The following LCMT1 variants were observed in gnomAD, a reference collection of about 807,000 sequenced individuals.
The protein encoded by LCMT1 is [Phosphatase 2A protein]-leucine-carboxy methyltransferase 1.
In LCMT1, 32 loss-of-function variants were observed where a neutral mutation model predicts 47.7. The ratio of observed to expected loss-of-function variants is 0.67; its 90% confidence interval spans 0.51 to 0.90. The LOEUF (loss-of-function observed/expected upper bound fraction) is 0.90. LCMT1 is among the 40% of genes least tolerant of loss of function. The pLI, the probability that LCMT1 is intolerant of heterozygous loss-of-function variation, is 0.00. For synonymous variants in LCMT1, 152 were observed against 149.7 expected (o/e 1.02, Z -0.11); for missense variants, 375 against 415.2 (o/e 0.90, Z 0.84).
At chr16:25,138,060 T>C (rs1284836018) in intron 3 of LCMT1, among the ~76,000 whole-genome samples, 2 of 152,304 alleles carry the variant, frequency 1.3e-5, no homozygotes, top group African/African-American at 2.4e-5. Context: ...ACCCTAACTT[T>C]CCTTTTCCTC....
At chr16:25,117,891 C>T (rs909940760) in intron 1 of LCMT1, among the ~76,000 whole-genome samples, 1 of 151,982 alleles carries the variant, frequency 6.6e-6, no homozygotes, top group African/African-American at 2.4e-5. Flanking sequence ...TTGGAACTGC[C>T]CCTTTATTTT....
intron 1 of LCMT1, among the ~76,000 whole-genome samples, chr16:25,123,958 A>T (rs569513928): frequency 1.4e-4 from 22 of 152,204 alleles, no homozygotes; most frequent in African/African-American, 5.1e-4. Flanking sequence ...TTGACTTCCA[A>T]AGGTTTTTAG....
At chr16:25,113,216 G>A (rs1254479765) in intron 1 of LCMT1, among the ~76,000 whole-genome samples, 1 of 151,602 alleles carries the variant, frequency 6.6e-6, no homozygotes, top group Non-Finnish European at 1.5e-5. Context: ...TCAGAGGAGT[G>A]TGAACTGTTA....
rs796097272 is a variant in LCMT1, at chr16:25,118,412, T to C, written c.113+6416T>C. Among the ~76,000 whole-genome samples, 17 of 152,266 alleles carry C rather than the reference T, an allele frequency of 1.1e-4. 1 individual carries two copies. The highest frequency in any genetic ancestry group is 4.1e-4 in the African/African-American group (17 of 41,546). ...TTATCTCCTAGGTGAGTGCATTCAC[T>C]CCACATTCTTTGTTGAGCGCCTGCT... On this transcript the variant is annotated intron_variant, in intron 1 of 10. Coordinates refer to ENST00000399069, the MANE Select transcript of LCMT1 (RefSeq NM_016309.3).
At chr16:25,162,600 AAAAG>A (rs1359252818) in intron 6 of LCMT1, among the ~76,000 whole-genome samples, 39 of 147,680 alleles carry the variant, frequency 2.6e-4, no homozygotes, top group African/African-American at 8.6e-4. Flanking sequence ...AAAAAAAAAA[AAAAG>A]AAAAGAAAAG....
At chr16:25,163,954 G>A (rs1178045153) in intron 6 of LCMT1, among the ~76,000 whole-genome samples, 2 of 152,170 alleles carry the variant, frequency 1.3e-5, no homozygotes, top group Non-Finnish European at 2.9e-5. Context: ...GGCTTAGCTG[G>A]ATGGTTCTGC....
At chr16:25,166,751 G>A (rs1427237057) in intron 7 of LCMT1, among the ~76,000 whole-genome samples, 1 of 152,162 alleles carries the variant, frequency 6.6e-6, no homozygotes, top group Non-Finnish European at 1.5e-5. Flanking sequence ...TCCTCCCCAG[G>A]TCCTTTCCTG....
intron 6 of LCMT1, among the ~76,000 whole-genome samples, chr16:25,163,288 G>A (rs1282301094): frequency 6.6e-6 from 1 of 152,072 alleles, no homozygotes; most frequent in African/African-American, 2.4e-5. Context: ...CCAACATGGG[G>A]AAACCCCGTC....
intron 5 of LCMT1, among the ~76,000 whole-genome samples, chr16:25,152,445 T>A (rs1357436897): frequency 6.6e-6 from 1 of 152,176 alleles, no homozygotes; most frequent in Non-Finnish European, 1.5e-5. Flanking sequence ...AGTAGACTTT[T>A]GCCGATACAT....
chr16:25,174,215 G>GT lies in LCMT1; in HGVS notation c.885-721dup, dbSNP rs1210353834. ...GCGTGAGGCACTTCACCCAACCTGT[G>GT]TATGTATGTTTAAAAGTTTACATTT... On this transcript the variant is annotated intron_variant, in intron 9 of 10. Coordinates refer to ENST00000399069, the MANE Select transcript of LCMT1 (RefSeq NM_016309.3). Among the ~76,000 whole-genome samples the GT allele has an allele frequency of 2.6e-5, 4 of 152,272 alleles. No homozygotes were observed. In the East Asian group the frequency reaches 7.7e-4, roughly 29 times the overall value.
chr16:25,134,818 C>G (rs1471095998), intron 3 of LCMT1, among the ~76,000 whole-genome samples: 1 of 152,200 alleles, frequency 6.6e-6, no homozygotes, highest in East Asian at 1.9e-4. Context: ...CCAGGCTGGT[C>G]TTGAACTCCT....
chr16:25,138,913 C>T (rs561038789), intron 3 of LCMT1, among the ~76,000 whole-genome samples: 1 of 152,190 alleles, frequency 6.6e-6, no homozygotes, highest in South Asian at 2.1e-4. Context: ...AAAGTGTTAG[C>T]ATTTTCTTCA....
chr16:25,118,507 T>A, intron 1 of LCMT1, among the ~76,000 whole-genome samples: 1 of 152,262 alleles, frequency 6.6e-6, no homozygotes, highest in Admixed American at 6.5e-5. Context: ...GCAGCTCTTA[T>A]GGAGCATTGG....
At chr16:25,146,354 G>A (rs1184083601) in intron 4 of LCMT1, 1 of 152,508 alleles carries the variant, frequency 6.6e-6, no homozygotes, top group Non-Finnish European at 1.5e-5. Context: ...TCATCTGAAA[G>A]CTTGGTGAGG....
At chr16:25,165,768 C>T (rs184196375) in intron 7 of LCMT1, among the ~76,000 whole-genome samples, 34 of 151,568 alleles carry the variant, frequency 2.2e-4, no homozygotes, top group African/African-American at 7.7e-4. Context: ...CTGCCCATCT[C>T]GGCCACCCAA....
At chr16:25,170,480 C>T (rs560864814) in intron 8 of LCMT1, among the ~76,000 whole-genome samples, 2 of 152,206 alleles carry the variant, frequency 1.3e-5, no homozygotes, top group African/African-American at 4.8e-5. Context: ...AAGAGCATTT[C>T]AGTACCAAGC....
chr16:25,116,718 A>AC (rs1222502446), intron 1 of LCMT1, among the ~76,000 whole-genome samples: 1 of 127,698 alleles, frequency 7.8e-6, no homozygotes, highest in African/African-American at 3.5e-5. Flanking sequence ...TCCTCTCCAC[A>AC]AAAAAAAAAA....
At chr16:25,135,001 G>T (rs1052127936) in intron 3 of LCMT1, among the ~76,000 whole-genome samples, 1 of 152,138 alleles carries the variant, frequency 6.6e-6, no homozygotes, top group African/African-American at 2.4e-5. Flanking sequence ...TTAACAGGCC[G>T]CTGGAGAGAT....
intron 8 of LCMT1, among the ~76,000 whole-genome samples, chr16:25,169,995 G>T (rs1447700728): frequency 6.6e-6 from 1 of 151,944 alleles, no homozygotes; most frequent in Non-Finnish European, 1.5e-5. Context: ...TGAGGCGGGC[G>T]GATCACCTGA....
Sources: allele counts gnomAD v4.1 joint callset (sites outside exome capture counted in the v4.1 genomes callset), GRCh38; gene constraint gnomAD v4.1.1; transcripts MANE v1.5; gene names NCBI Gene and HGNC (gene_info 2026-07-23, HGNC 2026-07-21).